LYRM4: variants seen among roughly 807,000 people sequenced by gnomAD.
LYRM4 encodes the protein LYR motif-containing protein 4.
Under a neutral mutation model 11.7 loss-of-function variants are expected in LYRM4, and 9 were observed. The ratio of observed to expected loss-of-function variants is 0.77; its 90% CI spans 0.46 to 1.34. The LOEUF (loss-of-function observed/expected upper bound fraction) is 1.34. Among genes scored for constraint, LYRM4 ranks in the 40% most tolerant of loss-of-function variants. LYRM4 has a pLI of 0.00. For missense variants in LYRM4, 133 were observed against 112.5 expected (o/e 1.18, Z -0.82); for synonymous variants, 42 against 40.4 (o/e 1.04, Z -0.15).
chr6:5,112,132 C>G (rs557583253), intron 2 of LYRM4, among the ~76,000 whole-genome samples: 5 of 152,154 alleles, frequency 3.3e-5, no homozygotes, highest in Non-Finnish European at 4.4e-5. Context: ...TCCACCCGTT[C>G]GCTGCCTGCA....
intron 2 of LYRM4, among the ~76,000 whole-genome samples, chr6:5,168,259 T>C (rs913336360): frequency 1.3e-5 from 2 of 152,186 alleles, no homozygotes; most frequent in Non-Finnish European, 2.9e-5. Flanking sequence ...CATCAATGGA[T>C]GCAAAACGTG....
intron 1 of LYRM4, among the ~76,000 whole-genome samples, chr6:5,237,695 T>G (rs2127751762): frequency 6.6e-6 from 1 of 152,234 alleles, no homozygotes; most frequent in East Asian, 1.9e-4. Context: ...AAGCCCTGTA[T>G]CTACTCTTCT....
chr6:5,099,424 T>TCTAC (rs972964699), downstream of LYRM4, among the ~76,000 whole-genome samples: 1 of 151,322 alleles, frequency 6.6e-6, no homozygotes, highest in Non-Finnish European at 1.5e-5. The surrounding 1 kb of genome is among the most constrained non-coding windows in gnomAD (Gnocchi z 4.3). Flanking sequence ...TATCTATCTA[T>TCTAC]CTATATTTTA....
the LYRM4 span, among the ~76,000 whole-genome samples, chr6:5,041,623 G>C: frequency 6.6e-6 from 1 of 152,046 alleles, no homozygotes; most frequent in Non-Finnish European, 1.5e-5. Flanking sequence ...GAATTTTTTT[G>C]TCATGACTTG....
Position 5,109,271 on chromosome 6 carries a change from A to C in LYRM4, c.*152T>G. 1 of 1,513,218 alleles carries C rather than the reference A, an allele frequency of 6.6e-7. No homozygotes were observed. 93.7% of individuals were successfully genotyped at this position (1,513,218 alleles called of 1,614,324 possible). The stretch of plus-strand genomic sequence containing the variant: ...AGCAGTCCTTTTTCACTAAGCCTGC[A>C]ACAGAATGCAAATGTGACTTGGTTT... On this transcript the variant is annotated 3_prime_UTR_variant, in exon 3 of 3. Transcript: ENST00000330636.
intron 1 of LYRM4, among the ~76,000 whole-genome samples, chr6:5,256,981 T>G (rs961334904): frequency 6.6e-6 from 1 of 152,184 alleles, no homozygotes; most frequent in African/African-American, 2.4e-5. Flanking sequence ...ATTTATCAAA[T>G]ACAACATTCT....
chr6:5,101,968 C>CTTTTT (rs397826404), downstream of LYRM4, among the ~76,000 whole-genome samples: 71 of 67,984 alleles, frequency 1.0e-3, 12 homozygotes, highest in Middle Eastern at 7.9e-3. Context: ...CTAATGCTTT[C>CTTTTT]TTTTTTTTTT....
At chr6:5,066,581 C>T in the LYRM4 span, 1 of 1,033,528 alleles carries the variant, frequency 9.7e-7, no homozygotes, top group Admixed American at 1.7e-5. Flanking sequence ...TTCCTAAGGA[C>T]TCCAAATGTG....
chr6:5,114,955 T>C (rs1763053163), intron 2 of LYRM4, among the ~76,000 whole-genome samples: 1 of 152,236 alleles, frequency 6.6e-6, no homozygotes, highest in South Asian at 2.1e-4. Flanking sequence ...ATTTAAAACG[T>C]GGTGTATATA....
intron 2 of LYRM4, among the ~76,000 whole-genome samples, chr6:5,185,022 C>T (rs1194358426): frequency 6.6e-6 from 1 of 152,168 alleles, no homozygotes; most frequent in Admixed American, 6.5e-5. Context: ...TTATGCCCTG[C>T]TTGTCATTGA....
At chr6:5,047,415 T>G in the LYRM4 span, among the ~76,000 whole-genome samples, 1 of 152,218 alleles carries the variant, frequency 6.6e-6, no homozygotes, top group Admixed American at 6.5e-5. Context: ...TTGCATAAGG[T>G]TGATCTTCCA....
At chr6:5,173,029 T>A (rs1219055931) in intron 2 of LYRM4, among the ~76,000 whole-genome samples, 1 of 152,210 alleles carries the variant, frequency 6.6e-6, no homozygotes, top group African/African-American at 2.4e-5. Flanking sequence ...CCTGACTGCA[T>A]TAAAAATACC....
the LYRM4 span, among the ~76,000 whole-genome samples, chr6:5,038,887 A>AGGGG: frequency 1.2e-5 from 1 of 85,110 alleles, no homozygotes; most frequent in African/African-American, 5.6e-5. Context: ...GTGGAGGGAG[A>AGGGG]GAGAGGGAGA....
At chr6:5,132,950 A>G (rs1239551558) in intron 2 of LYRM4, 1 of 152,248 alleles carries the variant, frequency 6.6e-6, no homozygotes, top group Non-Finnish European at 1.5e-5. Context: ...AGGGTAGGGA[A>G]GCACGCACTG....
At chr6:5,232,053 T>C (rs1257974286) in intron 1 of LYRM4, among the ~76,000 whole-genome samples, 1 of 152,202 alleles carries the variant, frequency 6.6e-6, no homozygotes, top group African/African-American at 2.4e-5. Context: ...TTTTTAATAC[T>C]AACTAAACAA....
chr6:5,073,600 CTG>C, the LYRM4 span, among the ~76,000 whole-genome samples: 7 of 147,388 alleles, frequency 4.7e-5, no homozygotes, highest in African/African-American at 1.5e-4. Flanking sequence ...TATATATAGT[CTG>C]TATAATATAT....
At chr6:5,140,582 A>C (rs1225578058) in intron 2 of LYRM4, among the ~76,000 whole-genome samples, 2 of 152,190 alleles carry the variant, frequency 1.3e-5, no homozygotes, top group African/African-American at 4.8e-5. Flanking sequence ...AGGTATGCAC[A>C]GTGTGTGGCT....
At chr6:5,146,700 C>T (rs1433143928) in intron 2 of LYRM4, among the ~76,000 whole-genome samples, 1 of 152,178 alleles carries the variant, frequency 6.6e-6, no homozygotes, top group African/African-American at 2.4e-5. Flanking sequence ...TAATTGCATA[C>T]CACAACTCTG....
intron 1 of LYRM4, among the ~76,000 whole-genome samples, chr6:5,243,438 G>T (rs1764001928): frequency 6.6e-6 from 1 of 152,100 alleles, no homozygotes; most frequent in Admixed American, 6.5e-5. Context: ...AAATATAAAA[G>T]AATTGCAAAA....
Sources: allele counts gnomAD v4.1 joint callset (sites outside exome capture counted in the v4.1 genomes callset), GRCh38; gene constraint gnomAD v4.1.1; non-coding constraint Gnocchi (gnomAD v3.1); transcripts MANE v1.5; gene names NCBI Gene and HGNC (gene_info 2026-07-23, HGNC 2026-07-21).